Variants in NCALD observed in about 807,000 individuals in gnomAD.
NCALD encodes neurocalcin-delta.
A neutral mutation model predicts 18.6 loss-of-function variants in NCALD; 10 were observed. That is an observed-to-expected ratio of 0.54 (90% CI 0.33 to 0.91). NCALD has a LOEUF of 0.91. NCALD is among the 40% of genes least tolerant of loss of function. The pLI is 0.03. For synonymous variants in NCALD, 88 were observed against 87.4 expected (o/e 1.01, Z -0.04); for missense variants, 184 against 247.6 (o/e 0.74, Z 1.72).
intron 2 of NCALD, among the ~76,000 whole-genome samples, chr8:101,947,446 A>G (rs575582841): frequency 6.6e-6 from 1 of 152,256 alleles, no homozygotes; most frequent in African/African-American, 2.4e-5. Flanking sequence ...TTAGGCATTC[A>G]CCTTACAGTC....
chr8:101,818,520 A>G lies in NCALD; in HGVS notation c.-20+68621T>C, dbSNP rs112726662. Among the ~76,000 whole-genome samples, 869 of 152,110 alleles carry G rather than the reference A, an allele frequency of 5.7e-3. 11 individuals carry two copies. The highest frequency in any genetic ancestry group is 0.018 in the African/African-American group (764 of 41,462). On this transcript the variant is annotated intron_variant, in intron 4 of 6. Coordinates refer to the NCALD transcript ENST00000311028. The stretch of plus-strand genomic sequence containing the variant: ...TTGAGAAGCCAAAAATTTTCCCTCT[A>G]TTTTTCAATCAATGTGGGCTAATAA...
intron 4 of NCALD, among the ~76,000 whole-genome samples, chr8:101,823,265 C>T (rs189939888): frequency 1.8e-3 from 276 of 152,222 alleles, no homozygotes; most frequent in South Asian, 0.018. Context: ...GCCATTTTTT[C>T]TACATAATTG....
intron 2 of NCALD, among the ~76,000 whole-genome samples, chr8:101,927,603 T>C (rs73696580): frequency 0.026 from 4,029 of 152,128 alleles, 181 homozygotes; most frequent in African/African-American, 0.09. Flanking sequence ...CGGTCCGACA[T>C]CCGCGCAGTG....
chr8:102,036,649 C>A (rs1822876360), intron 1 of NCALD, among the ~76,000 whole-genome samples: 1 of 152,022 alleles, frequency 6.6e-6, no homozygotes, highest in Non-Finnish European at 1.5e-5. Flanking sequence ...GTGGTGCATA[C>A]CTGTAATCCC....
chr8:102,054,212 A>C (rs1292476574), intron 1 of NCALD, among the ~76,000 whole-genome samples: 1 of 152,194 alleles, frequency 6.6e-6, no homozygotes, highest in Non-Finnish European at 1.5e-5. Flanking sequence ...TTACAAAATG[A>C]ATAGTGTCCC....
intron 2 of NCALD, among the ~76,000 whole-genome samples, chr8:102,016,598 C>T (rs1410597161): frequency 6.6e-5 from 10 of 152,166 alleles, no homozygotes; most frequent in African/African-American, 2.4e-4. Context: ...GTCTGTTACA[C>T]TGAAGGTAAC....
At position 102,015,244 on chromosome 8, in the gene NCALD, G is replaced by C. The variant is rs531427694; in HGVS notation, c.-157+4993C>G. Among the ~76,000 whole-genome samples the C allele has an allele frequency of 3.3e-5, 5 of 151,914 alleles. No homozygotes were observed. The South Asian group carries it at 1.0e-3, about 32-fold the overall frequency. ...CTCTTTCTCATCACCCTATCTTGAA[G>C]GTATTTATGGCAGGGAGAAGCCAAT... On this transcript the variant is annotated intron_variant, in intron 2 of 6. Coordinates refer to the NCALD transcript ENST00000311028.
intron 1 of NCALD, among the ~76,000 whole-genome samples, chr8:101,735,284 C>T (rs1276918985): frequency 6.6e-6 from 1 of 152,198 alleles, no homozygotes; most frequent in Non-Finnish European, 1.5e-5. Flanking sequence ...AACCAGTCCT[C>T]TGGCTAACCT....
rs532443747 is a variant in NCALD, at chr8:102,075,245, G to T, written c.-210+48992C>A. Among the ~76,000 whole-genome samples, 3 of 152,250 alleles carry T rather than the reference G, an allele frequency of 2.0e-5. No homozygotes were observed. In the South Asian group the frequency reaches 6.2e-4, roughly 32 times the overall value. On this transcript the variant is annotated intron_variant, in intron 1 of 6. Transcript: ENST00000311028. Reference sequence around the variant, plus strand: ...CACCAAGAAAAGTCTAAACCTCATAGATGTTACCAAAAGGAAATTTTTCCC... The same window carrying T: ...CACCAAGAAAAGTCTAAACCTCATATATGTTACCAAAAGGAAATTTTTCCC...
intron 1 of NCALD, among the ~76,000 whole-genome samples, chr8:101,743,974 A>C (rs565624642): frequency 1.3e-5 from 2 of 151,838 alleles, no homozygotes; most frequent in South Asian, 4.2e-4. Context: ...ACCCGAGAGA[A>C]GTTAAGAAGG....
Position 102,001,817 on chromosome 8 carries a change from A to G in NCALD, c.-157+18420T>C, listed in dbSNP as rs997248213. Reference sequence around the variant, plus strand: ...GGAGAAATAAAATACTTTACAGACAAGCAAATGCTGAGAGATTTTGTCACC... The same window carrying G: ...GGAGAAATAAAATACTTTACAGACAGGCAAATGCTGAGAGATTTTGTCACC... On this transcript the variant is annotated intron_variant, in intron 2 of 6. Transcript: ENST00000311028. Among the ~76,000 whole-genome samples the G allele has an allele frequency of 2.6e-4, 40 of 152,336 alleles. 1 individual carries two copies. Among genetic ancestry groups the G allele is most frequent in the African/African-American group, 7.7e-4 (32 of 41,572 alleles).
At chr8:101,719,219 C>A (rs1031075080) in intron 2 of NCALD, 33 bp downstream of exon 2, 1 of 1,592,910 alleles carries the variant, frequency 6.3e-7, no homozygotes, top group Admixed American at 1.7e-5. Context: ...GAGATACATG[C>A]CCTTCTTTTT....
At position 101,857,394 on chromosome 8, in the gene NCALD, A is replaced by T. The variant is rs139344489; in HGVS notation, c.-20+29747T>A. ...CACAGCCAAAAAGGCACAGATGTGCATATCTACTCACTCAAAGGCATTCTG... is the reference window on the plus strand; with the variant it reads ...CACAGCCAAAAAGGCACAGATGTGCTTATCTACTCACTCAAAGGCATTCTG... On this transcript the variant is annotated intron_variant, in intron 4 of 6. Coordinates refer to the NCALD transcript ENST00000311028. Among the ~76,000 whole-genome samples the T allele has an allele frequency of 1.4e-3, 210 of 152,326 alleles. 4 individuals are homozygous for T. The highest frequency in any genetic ancestry group is 2.9e-3 in the South Asian group (14 of 4,824).
At chr8:102,120,150 G>A (rs1455319135) in intron 1 of NCALD, among the ~76,000 whole-genome samples, 1 of 152,110 alleles carries the variant, frequency 6.6e-6, no homozygotes, top group African/African-American at 2.4e-5. Flanking sequence ...TGCTTCTAAC[G>A]CTGTTTCTCT....
intron 1 of NCALD, among the ~76,000 whole-genome samples, chr8:101,726,714 TAGAGGA>T (rs1563700679): frequency 6.6e-6 from 1 of 152,008 alleles, no homozygotes; most frequent in Non-Finnish European, 1.5e-5. Flanking sequence ...AGTCTATAGG[TAGAGGA>T]AGAGGTTCAG....
chr8:101,712,587 CAAAAAAAAAAAAA>C (rs201729096), intron 2 of NCALD, among the ~76,000 whole-genome samples: 48 of 78,888 alleles, frequency 6.1e-4, no homozygotes, highest in Middle Eastern at 8.5e-3. Flanking sequence ...AAATGGAAAG[CAAAAAAAAAAAAA>C]AAAAAAAAAA....
chr8:101,748,610 C>A (rs1339680400), intron 1 of NCALD, among the ~76,000 whole-genome samples: 1 of 152,166 alleles, frequency 6.6e-6, no homozygotes, highest in Non-Finnish European at 1.5e-5. Flanking sequence ...CCCCATGAAC[C>A]AGTGCTTTAC....
At chr8:101,926,669 TTTCCCCCC>T (rs1403795913) in intron 2 of NCALD, among the ~76,000 whole-genome samples, 1 of 152,106 alleles carries the variant, frequency 6.6e-6, no homozygotes, top group East Asian at 1.9e-4. Context: ...GTCTTAACAA[TTTCCCCCC>T]ACTCTTCTCC....
intron 2 of NCALD, among the ~76,000 whole-genome samples, chr8:102,007,308 T>C (rs1386285302): frequency 6.6e-6 from 1 of 152,230 alleles, no homozygotes; most frequent in Non-Finnish European, 1.5e-5. Flanking sequence ...TGTACTACAT[T>C]TGCAACATTT....
Sources: allele counts gnomAD v4.1 joint callset (sites outside exome capture counted in the v4.1 genomes callset), GRCh38; gene constraint gnomAD v4.1.1; transcripts MANE v1.5; gene names NCBI Gene and HGNC (gene_info 2026-07-23, HGNC 2026-07-21).